Variants in FOXN3 observed in about 807,000 individuals in gnomAD.
FOXN3 encodes forkhead box N3.
FOXN3 carries 7 observed loss-of-function variants against 38.4 expected under a neutral mutation model. The observed-to-expected ratio is 0.18, with a 90% CI of 0.10 to 0.34. The LOEUF is 0.34. Among genes scored for constraint, FOXN3 ranks in the 10% least tolerant of loss-of-function variants. The pLI is 1.00. For synonymous variants in FOXN3, 230 were observed against 242.2 expected, an observed-to-expected ratio of 0.95 and a Z score of 0.47; for missense variants, 456 against 613.4, an observed-to-expected ratio of 0.74 and a Z score of 2.71.
chr14:89,610,381 T>G (rs1040203154), intron 1 of FOXN3, among the ~76,000 whole-genome samples: 3 of 152,232 alleles, frequency 2.0e-5, no homozygotes, highest in African/African-American at 7.2e-5. Context: ...GCAGCGTGGC[T>G]GGCATAGGTG....
chr14:89,403,174 C>G (rs1428971219), intron 2 of FOXN3, among the ~76,000 whole-genome samples: 1 of 152,056 alleles, frequency 6.6e-6, no homozygotes, highest in Non-Finnish European at 1.5e-5. Context: ...GTACAAAAAG[C>G]AAGAATCAAA....
chr14:89,249,416 T>G (rs1226265537), intron 4 of FOXN3, among the ~76,000 whole-genome samples: 1 of 152,186 alleles, frequency 6.6e-6, no homozygotes, highest in Non-Finnish European at 1.5e-5. Context: ...GAGAATTTAT[T>G]TACAAGCATC....
intron 1 of FOXN3, among the ~76,000 whole-genome samples, chr14:89,457,404 CA>C (rs1045187177): frequency 2.0e-4 from 31 of 152,164 alleles, no homozygotes; most frequent in Admixed American, 3.3e-4. Flanking sequence ...CCAATGAATG[CA>C]TAGTGGCTGC....
chr14:89,367,631 G>A (rs1890196189), intron 2 of FOXN3, among the ~76,000 whole-genome samples: 1 of 152,174 alleles, frequency 6.6e-6, no homozygotes, highest in Admixed American at 6.5e-5. Context: ...CAGAACGGGG[G>A]TTGGACGCAG....
intron 3 of FOXN3, among the ~76,000 whole-genome samples, chr14:89,323,742 A>AC (rs1555417929): frequency 8.1e-5 from 12 of 147,992 alleles, no homozygotes; most frequent in African/African-American, 2.2e-4. Flanking sequence ...AAACAAACAA[A>AC]AAACGGAGAG....
At chr14:89,297,133 G>A (rs1887062861) in intron 3 of FOXN3, among the ~76,000 whole-genome samples, 1 of 151,654 alleles carries the variant, frequency 6.6e-6, no homozygotes, top group Admixed American at 6.6e-5. Context: ...ACTAACAAGA[G>A]GAAAGGCAAG....
intron 1 of FOXN3, among the ~76,000 whole-genome samples, chr14:89,560,536 T>C (rs2139878348): frequency 6.6e-6 from 1 of 152,350 alleles, no homozygotes; most frequent in Middle Eastern, 3.4e-3. Context: ...TAGACTGGCT[T>C]TATGAACAGT....
chr14:89,345,139 G>A (rs533746212), intron 3 of FOXN3, among the ~76,000 whole-genome samples: 76 of 152,200 alleles, frequency 5.0e-4, no homozygotes, highest in Non-Finnish European at 6.9e-4. Flanking sequence ...CAAAACTAAC[G>A]TTCCAAGAAC....
At chr14:89,206,773 C>A (rs879630414) in intron 4 of FOXN3, among the ~76,000 whole-genome samples, 1 of 152,190 alleles carries the variant, frequency 6.6e-6, no homozygotes, top group Non-Finnish European at 1.5e-5. Flanking sequence ...ATCATGCCTG[C>A]GGTTTTCTCT....
At chr14:89,235,412 G>A (rs982496201) in intron 4 of FOXN3, among the ~76,000 whole-genome samples, 4 of 152,082 alleles carry the variant, frequency 2.6e-5, no homozygotes, top group South Asian at 2.1e-4. Context: ...CAGCACCAGC[G>A]GCTCTTGGAA....
At chr14:89,591,918 A>T (rs918598690) in intron 1 of FOXN3, among the ~76,000 whole-genome samples, 1 of 152,210 alleles carries the variant, frequency 6.6e-6, no homozygotes, top group Non-Finnish European at 1.5e-5. Flanking sequence ...GAGAGAAAAA[A>T]ACATTAAAAG....
chr14:89,245,694 G>C (rs1393210063), intron 4 of FOXN3, among the ~76,000 whole-genome samples: 2 of 152,202 alleles, frequency 1.3e-5, no homozygotes, highest in Non-Finnish European at 2.9e-5. Flanking sequence ...TCAGATAAAA[G>C]AGATATAAAA....
chr14:89,533,137 G>C (rs1894607194), intron 1 of FOXN3, among the ~76,000 whole-genome samples: 1 of 152,208 alleles, frequency 6.6e-6, no homozygotes, highest in Non-Finnish European at 1.5e-5. Flanking sequence ...CAAGTTGCTT[G>C]GGGCCACATA....
chr14:89,342,575 C>A (rs1431843657), intron 3 of FOXN3, among the ~76,000 whole-genome samples: 3 of 151,900 alleles, frequency 2.0e-5, no homozygotes, highest in Non-Finnish European at 4.4e-5. Context: ...AAGAGTGTGC[C>A]CTTACAATTT....
At chr14:89,330,370 A>G (rs1190841303) in intron 3 of FOXN3, among the ~76,000 whole-genome samples, 1 of 152,206 alleles carries the variant, frequency 6.6e-6, no homozygotes, top group Admixed American at 6.5e-5. Flanking sequence ...AAAGAAACAG[A>G]CATCCCGCTT....
chr14:89,347,889 G>A (rs1888814697), intron 3 of FOXN3, among the ~76,000 whole-genome samples: 1 of 152,144 alleles, frequency 6.6e-6, no homozygotes. Flanking sequence ...AGGAGGCGGA[G>A]GTTGCAGTGA....
At chr14:89,446,087 CAAAAAAAAA>C (rs576883864) in intron 1 of FOXN3, among the ~76,000 whole-genome samples, 2 of 40,120 alleles carry the variant, frequency 5.0e-5, no homozygotes, top group Non-Finnish European at 9.1e-5. Context: ...GACCCTGCCT[CAAAAAAAAA>C]AAAAAAAAAA....
At chr14:89,465,582 G>C (rs1218964355) in intron 1 of FOXN3, among the ~76,000 whole-genome samples, 1 of 152,182 alleles carries the variant, frequency 6.6e-6, no homozygotes, top group Non-Finnish European at 1.5e-5. Context: ...AACTTTTCAA[G>C]GGGGTCCCAC....
intron 2 of FOXN3, among the ~76,000 whole-genome samples, chr14:89,372,165 C>T (rs77643818): frequency 0.022 from 3,347 of 151,986 alleles, 129 homozygotes; most frequent in African/African-American, 0.075. Context: ...AATTCCCCTG[C>T]AATTTCCCCA....
Sources: allele counts gnomAD v4.1 joint callset (sites outside exome capture counted in the v4.1 genomes callset), GRCh38; gene constraint gnomAD v4.1.1; transcripts MANE v1.5; gene names NCBI Gene and HGNC (gene_info 2026-07-23, HGNC 2026-07-21).